The following RARB variants were observed in gnomAD, a reference collection of about 807,000 sequenced individuals.
The protein encoded by RARB is retinoic acid receptor beta.
A neutral mutation model predicts 51.9 loss-of-function variants in RARB; 17 were observed. That is an observed-to-expected ratio of 0.33 (90% CI 0.22 to 0.49). The LOEUF is 0.49. Ranked by LOEUF, RARB falls within the 20% of genes least tolerant of loss-of-function variation. The pLI, the probability that RARB is intolerant of heterozygous loss-of-function variation, is 0.99. For missense variants in RARB, 369 were observed against 550.8 expected, an observed-to-expected ratio of 0.67 and a Z score of 3.30; for synonymous variants, 215 against 195.4, an observed-to-expected ratio of 1.10 and a Z score of -0.84.
chr3:24,841,898 T>C (rs1230898891), intron 1 of RARB, among the ~76,000 whole-genome samples: 2 of 152,200 alleles, frequency 1.3e-5, no homozygotes, highest in Non-Finnish European at 2.9e-5. Context: ...TAAATATAAT[T>C]ACATAGAACT....
intron 5 of RARB, among the ~76,000 whole-genome samples, chr3:25,189,752 G>A (rs1701053354): frequency 6.6e-6 from 1 of 152,112 alleles, no homozygotes; most frequent in South Asian, 2.1e-4. Flanking sequence ...CGGCATGGTG[G>A]TGGGCGCCTG....
At chr3:25,313,514 C>A (rs1575304476) in intron 5 of RARB, among the ~76,000 whole-genome samples, 1 of 152,164 alleles carries the variant, frequency 6.6e-6, no homozygotes, top group Non-Finnish European at 1.5e-5. Flanking sequence ...TTGCCTGGTT[C>A]CCTGGCCCTT....
intron 5 of RARB, among the ~76,000 whole-genome samples, chr3:25,280,418 A>G (rs1703495131): frequency 6.6e-6 from 1 of 152,182 alleles, no homozygotes; most frequent in Non-Finnish European, 1.5e-5. Context: ...CCAAGGTGCC[A>G]TAATTTGGGG....
At chr3:25,512,484 GC>G (rs2125622233) in intron 3 of RARB, among the ~76,000 whole-genome samples, 1 of 152,330 alleles carries the variant, frequency 6.6e-6, no homozygotes, top group African/African-American at 2.4e-5. Flanking sequence ...AGAGAGCCCT[GC>G]ACAGCTGCCC....
At chr3:24,985,588 C>T (rs901624627) in intron 2 of RARB, among the ~76,000 whole-genome samples, 5 of 152,058 alleles carry the variant, frequency 3.3e-5, no homozygotes, top group Admixed American at 6.6e-5. Context: ...TGTCAAGAAC[C>T]CTTTGGTTTG....
chr3:25,398,068 A>G (rs1034186325), intron 5 of RARB, among the ~76,000 whole-genome samples: 6 of 152,092 alleles, frequency 3.9e-5, no homozygotes, highest in African/African-American at 1.4e-4. Flanking sequence ...GATATGATAT[A>G]TTTTTACATG....
At chr3:24,890,984 G>C (rs1703367061) in intron 2 of RARB, among the ~76,000 whole-genome samples, 1 of 152,160 alleles carries the variant, frequency 6.6e-6, no homozygotes. Context: ...CCCATTAGCA[G>C]CCTAGTAAGC....
At chr3:25,356,193 A>C (rs1298068135) in intron 5 of RARB, among the ~76,000 whole-genome samples, 1 of 152,120 alleles carries the variant, frequency 6.6e-6, no homozygotes, top group African/African-American at 2.4e-5. Flanking sequence ...AGAAGTATTT[A>C]TGGAATTTTA....
At chr3:25,067,436 T>C (rs1158576470) in intron 3 of RARB, among the ~76,000 whole-genome samples, 1 of 152,202 alleles carries the variant, frequency 6.6e-6, no homozygotes, top group Non-Finnish European at 1.5e-5. Flanking sequence ...AGAGCTGTTT[T>C]ATGACGTGAT....
chr3:25,083,172 G>T (rs1699042313), intron 3 of RARB, among the ~76,000 whole-genome samples: 1 of 151,240 alleles, frequency 6.6e-6, no homozygotes. Context: ...TCAGATCCTT[G>T]AATTTAAATA....
chr3:25,480,385 G>A (rs1696166874), intron 2 of RARB, among the ~76,000 whole-genome samples: 1 of 152,150 alleles, frequency 6.6e-6, no homozygotes, highest in Non-Finnish European at 1.5e-5. Context: ...TTTCCAGGTA[G>A]GGTGTAGCAC....
At chr3:25,408,588 A>T (rs938490685) in intron 5 of RARB, among the ~76,000 whole-genome samples, 1 of 152,166 alleles carries the variant, frequency 6.6e-6, no homozygotes, top group Non-Finnish European at 1.5e-5. Context: ...CCACACAGTG[A>T]CCACAAGAAA....
intron 2 of RARB, among the ~76,000 whole-genome samples, chr3:24,922,761 A>C (rs1353007163): frequency 2.0e-5 from 3 of 152,174 alleles, no homozygotes; most frequent in African/African-American, 7.2e-5. Flanking sequence ...CTTGCAATTC[A>C]TAATAGAAAG....
intron 1 of RARB, among the ~76,000 whole-genome samples, chr3:25,457,592 C>G (rs1470951522): frequency 1.3e-5 from 2 of 152,200 alleles, no homozygotes; most frequent in African/African-American, 4.8e-5. Flanking sequence ...GCTTTGGGAT[C>G]TTTAATGTCC....
chr3:25,240,691 A>T (rs1193034793), intron 5 of RARB, among the ~76,000 whole-genome samples: 1 of 152,138 alleles, frequency 6.6e-6, no homozygotes, highest in Non-Finnish European at 1.5e-5. Context: ...CCACTTGTTC[A>T]TGGTGTATTA....
chr3:25,452,021 T>G (rs1270683310), intron 1 of RARB, among the ~76,000 whole-genome samples: 1 of 152,180 alleles, frequency 6.6e-6, no homozygotes, highest in African/African-American at 2.4e-5. Flanking sequence ...TGCAAAGCAA[T>G]TAGCTTCGTC....
intron 3 of RARB, among the ~76,000 whole-genome samples, chr3:25,524,208 G>A (rs572784275): frequency 2.6e-5 from 4 of 152,318 alleles, no homozygotes; most frequent in African/African-American, 9.6e-5. Flanking sequence ...AGGAATTTGA[G>A]CTTAGGTAGT....
intron 3 of RARB, among the ~76,000 whole-genome samples, chr3:25,549,446 G>C (rs975449933): frequency 6.6e-6 from 1 of 152,146 alleles, no homozygotes; most frequent in South Asian, 2.1e-4. Context: ...CAAATTGGTA[G>C]AGGAAATACA....
chr3:25,183,051 A>C (rs376490505), intron 5 of RARB, among the ~76,000 whole-genome samples: 1 of 152,174 alleles, frequency 6.6e-6, no homozygotes, highest in Non-Finnish European at 1.5e-5. Flanking sequence ...TCTGGCCTAC[A>C]GAACGGTTTG....
Sources: gnomAD v4.1 joint callset for allele counts (sites outside exome capture counted in the v4.1 genomes callset) on GRCh38, gnomAD v4.1.1 for gene constraint, MANE v1.5 for transcripts, NCBI Gene and HGNC (gene_info 2026-07-23, HGNC 2026-07-21) for gene names.